Variants in LRP1B observed in about 807,000 individuals in gnomAD.
LRP1B encodes the protein low-density lipoprotein receptor-related protein 1B.
LRP1B carries 217 observed loss-of-function variants against 556.6 expected under a neutral mutation model. The observed-to-expected ratio is 0.39, with a 90% CI of 0.35 to 0.44. The LOEUF is 0.44. Among genes scored for constraint, LRP1B ranks in the 20% least tolerant of loss-of-function variants. The pLI is 1.00. For missense variants in LRP1B, 5,053 were observed against 5,620.8 expected (o/e 0.90, Z 3.23); for synonymous variants, 2,047 against 1,865.8 (o/e 1.10, Z -2.50).
intron 43 of LRP1B, among the ~76,000 whole-genome samples, chr2:140,595,106 A>C (rs75105841): frequency 0.035 from 1,482 of 42,382 alleles, 27 homozygotes; most frequent in Middle Eastern, 0.11. Flanking sequence ...ATATATATAT[A>C]TATATATATA....
chr2:141,000,465 T>C lies in LRP1B; in HGVS notation c.2503+4870A>G, dbSNP rs570706378. On this transcript the variant is annotated intron_variant, in intron 15 of 90. Transcript: ENST00000389484. ...GAAGCATCTGCCATTGACTTGGTGA[T>C]ACCCAGAATATGGTATAGGAGGGCT... 3.3e-5 allele frequency among the ~76,000 whole-genome samples: 5 copies of C among 152,202 alleles called. No homozygotes were observed. In the South Asian group the frequency reaches 1.0e-3, roughly 32 times the overall value.
chr2:140,937,443 A>G (rs1182894586), intron 20 of LRP1B, among the ~76,000 whole-genome samples: 1 of 152,110 alleles, frequency 6.6e-6, no homozygotes, highest in Non-Finnish European at 1.5e-5. Flanking sequence ...TGGGAGCTAG[A>G]GATAAGGAAG....
At chr2:140,339,685 C>A (rs1197905811) in intron 77 of LRP1B, among the ~76,000 whole-genome samples, 4 of 151,478 alleles carry the variant, frequency 2.6e-5, no homozygotes, top group Non-Finnish European at 5.9e-5. Context: ...AAAATAATGA[C>A]TACACAAATT....
intron 41 of LRP1B, among the ~76,000 whole-genome samples, chr2:140,639,136 G>A (rs1684182619): frequency 2.0e-5 from 3 of 152,084 alleles, no homozygotes; most frequent in Admixed American, 2.0e-4. Flanking sequence ...AGTCCATCAA[G>A]AAATCACACT....
At chr2:140,895,941 T>TG (rs1392885286) in intron 23 of LRP1B, among the ~76,000 whole-genome samples, 2 of 151,720 alleles carry the variant, frequency 1.3e-5, no homozygotes, top group Non-Finnish European at 2.9e-5. Flanking sequence ...AGGATGGAGG[T>TG]GGGGGGCAGG....
At chr2:142,043,678 G>A (rs114714836) in intron 1 of LRP1B, among the ~76,000 whole-genome samples, 453 of 151,724 alleles carry the variant, frequency 3.0e-3, no homozygotes, top group Middle Eastern at 0.01. Context: ...CTGTCAGTCC[G>A]TTTTTCAACA....
chr2:141,152,842 C>T (rs1231862930), intron 7 of LRP1B, among the ~76,000 whole-genome samples: 1 of 151,434 alleles, frequency 6.6e-6, no homozygotes, highest in Non-Finnish European at 1.5e-5. Context: ...TATACTAATA[C>T]CAACACCTAC....
intron 47 of LRP1B, among the ~76,000 whole-genome samples, chr2:140,532,904 T>C (rs1488808194): frequency 3.0e-5 from 2 of 66,452 alleles, no homozygotes; most frequent in Non-Finnish European, 7.4e-5. Context: ...ATATGGGTGT[T>C]CTTACGTGTG....
At chr2:141,466,566 T>C (rs1288196815) in intron 3 of LRP1B, among the ~76,000 whole-genome samples, 1 of 152,194 alleles carries the variant, frequency 6.6e-6, no homozygotes, top group East Asian at 1.9e-4. Context: ...AGATACTGTG[T>C]TTAATCAGGC....
At chr2:140,618,109 AC>A (rs1301739985) in intron 41 of LRP1B, among the ~76,000 whole-genome samples, 5 of 151,392 alleles carry the variant, frequency 3.3e-5, no homozygotes, top group Admixed American at 1.3e-4. Context: ...AATTGAAAAA[AC>A]AGATGTTAAA....
At position 140,492,693 on chromosome 2, in the gene LRP1B, T is replaced by C. The variant is rs140458851; in HGVS notation, c.9035A>G (p.Asp3012Gly). Residue 3012 changes from aspartate (D) to glycine (G), a missense_variant and splice_region_variant, in exon 57 of 91, where the codon GAT becomes GGT. This residue lies in a region of LRP1B where 3,619 missense variants were observed against 3,931.9 expected (regional missense o/e 0.92). Transcript: ENST00000389484. Reference sequence around the variant, plus strand: ...AGCAAGAATTAAAAAAGGTTCTTCATCTAAACACCAACACAAATAACATAT... The same window carrying C: ...AGCAAGAATTAAAAAAGGTTCTTCACCTAAACACCAACACAAATAACATAT... ...DNPNGCKSLS[D>G]EEPFLILADH... 46 of 1,598,358 alleles carry C rather than the reference T, an allele frequency of 2.9e-5. No individual in the cohort carries two copies. The African/African-American group carries it at 5.1e-4, about 18-fold the overall frequency.
intron 41 of LRP1B, among the ~76,000 whole-genome samples, chr2:140,624,633 T>C (rs1683588835): frequency 6.6e-6 from 1 of 152,194 alleles, no homozygotes; most frequent in Non-Finnish European, 1.5e-5. Flanking sequence ...CAGTGAGTTA[T>C]AATATGATTG....
At chr2:140,674,854 C>G (rs543980420) in intron 41 of LRP1B, among the ~76,000 whole-genome samples, 9 of 152,288 alleles carry the variant, frequency 5.9e-5, no homozygotes, top group African/African-American at 2.2e-4. Flanking sequence ...TACAAAATTC[C>G]TATTTGTTTC....
In LRP1B at chr2:140,666,007, TTC is replaced by T. The variant is rs1491496895; in HGVS notation, c.6799+34241_6799+34242del. Among the ~76,000 whole-genome samples the T allele has an allele frequency of 3.4e-5, 5 of 148,988 alleles. No individual in the cohort carries two copies. In the South Asian group the frequency reaches 8.8e-4, roughly 26 times the overall value. On this transcript the variant is annotated intron_variant, in intron 41 of 90. Transcript: ENST00000389484. ...AAAAAAAAAAAAATTTTTTTTTTTT[TTC>T]CTGAGACGGAGTCTCACTCTGTTGC...
At chr2:141,415,183 TTTTGTA>T (rs1367176758) in intron 3 of LRP1B, among the ~76,000 whole-genome samples, 3 of 151,998 alleles carry the variant, frequency 2.0e-5, no homozygotes, top group African/African-American at 7.3e-5. Context: ...CCCAGCTAAT[TTTTGTA>T]TTTTTAGTAG....
Position 142,107,794 on chromosome 2 carries a change from A to ATTT in LRP1B, c.82+22851_82+22853dup, listed in dbSNP as rs67962280. ...AGGCACCCACCACCACGCCTAGCTAATTTTTTTTTTTTTTTTTTTTTTTGT... is the reference window on the plus strand; with the variant it reads ...AGGCACCCACCACCACGCCTAGCTAATTTTTTTTTTTTTTTTTTTTTTTTTTGT... On this transcript the variant is annotated intron_variant, in intron 1 of 90. Coordinates refer to ENST00000389484, the MANE Select transcript of LRP1B (RefSeq NM_018557.3). 2.1e-3 allele frequency among the ~76,000 whole-genome samples: 230 copies of ATTT among 110,544 alleles called. 1 individual carries two copies. The highest frequency in any genetic ancestry group is 2.3e-3 in the Non-Finnish European group (128 of 55,836). The allele number at this position is 110,544 out of a possible 152,430, so 72.5% of individuals were successfully genotyped here.
At chr2:141,979,187 T>G (rs1701973635) in intron 1 of LRP1B, among the ~76,000 whole-genome samples, 2 of 152,084 alleles carry the variant, frequency 1.3e-5, no homozygotes, top group Non-Finnish European at 2.9e-5. Flanking sequence ...TATATTTCTT[T>G]AAATCTGGAC....
chr2:141,459,796 CCT>C (rs1161475614), intron 3 of LRP1B, among the ~76,000 whole-genome samples: 7 of 152,138 alleles, frequency 4.6e-5, no homozygotes, highest in African/African-American at 1.2e-4. Context: ...GTCCATGAAA[CCT>C]CTTTCTTTTG....
chr2:142,031,580 T>A (rs1345399011), intron 1 of LRP1B, among the ~76,000 whole-genome samples: 1 of 147,182 alleles, frequency 6.8e-6, no homozygotes, highest in Non-Finnish European at 1.5e-5. Flanking sequence ...TCTCTTAATG[T>A]ATTGAAGAGA....
Sources: gnomAD v4.1 joint callset for allele counts (sites outside exome capture counted in the v4.1 genomes callset) on GRCh38, gnomAD v4.1.1 for gene constraint, gnomAD v4.1.1 regional missense constraint, MANE v1.5 for transcripts, NCBI Gene and HGNC (gene_info 2026-07-23, HGNC 2026-07-21) for gene names.